The following TMEM131L variants were observed in gnomAD, a reference collection of about 807,000 sequenced individuals.
TMEM131L encodes transmembrane 131 like.
In TMEM131L, 54 loss-of-function variants were observed where a neutral mutation model predicts 192.2. The observed-to-expected ratio is 0.28, with a 90% CI of 0.23 to 0.35. TMEM131L has a LOEUF of 0.35. Among genes scored for constraint, TMEM131L ranks in the 10% least tolerant of loss-of-function variants. The pLI is 1.00. For missense variants in TMEM131L, 1,888 were observed against 1,972.9 expected, an observed-to-expected ratio of 0.96 and a Z score of 0.82; for synonymous variants, 701 against 704.9, an observed-to-expected ratio of 0.99 and a Z score of 0.09.
intron 3 of TMEM131L, among the ~76,000 whole-genome samples, chr4:153,501,494 C>T (rs1484989010): frequency 6.6e-6 from 1 of 152,098 alleles, no homozygotes; most frequent in Non-Finnish European, 1.5e-5. Flanking sequence ...GCCACTGTGC[C>T]CAGCTGAGTT....
At chr4:153,631,140 G>A (rs1734182723) in intron 31 of TMEM131L, among the ~76,000 whole-genome samples, 1 of 152,238 alleles carries the variant, frequency 6.6e-6, no homozygotes, top group Non-Finnish European at 1.5e-5. Context: ...AGTTCTGCAT[G>A]GTGGGCATTG....
At chr4:153,632,988 G>C in intron 32 of TMEM131L, 150 bp downstream of exon 32, 1 of 764,672 alleles carries the variant, frequency 1.3e-6, no homozygotes, top group Non-Finnish European at 2.0e-6. Flanking sequence ...CTGCCTTTTA[G>C]AGTTGCACTG....
intron 3 of TMEM131L, among the ~76,000 whole-genome samples, chr4:153,500,896 CCAGAGACGCCGTTTAATGATCA>C (rs1733558618): frequency 6.6e-6 from 1 of 151,962 alleles, no homozygotes. Flanking sequence ...TCCTCTTTCT[CCAGAGACGCCGTTTAATGATCA>C]GATAGAAATT....
chr4:153,524,977 A>G (rs1339220994), intron 3 of TMEM131L, among the ~76,000 whole-genome samples: 1 of 152,220 alleles, frequency 6.6e-6, no homozygotes, highest in Non-Finnish European at 1.5e-5. Flanking sequence ...CCATGGAGGT[A>G]AAGCAGGGGC....
chr4:153,582,335 C>T (rs575509436), intron 9 of TMEM131L, among the ~76,000 whole-genome samples: 1 of 151,642 alleles, frequency 6.6e-6, no homozygotes, highest in African/African-American at 2.4e-5. Context: ...ACCTCAGCCT[C>T]CTGGGCTCAA....
chr4:153,467,724 T>C (rs539692628), intron 2 of TMEM131L, among the ~76,000 whole-genome samples: 6 of 152,360 alleles, frequency 3.9e-5, no homozygotes, highest in African/African-American at 9.6e-5. Context: ...TCAAGGATTG[T>C]CATCTTGGAT....
At position 153,588,927 on chromosome 4, in the gene TMEM131L, A is replaced by G. The variant is rs767509837; in HGVS notation, c.1590A>G (p.Gln530=). ...PNWNGSLSLD[Q]STWNVDSELA... ...GGAATGGGAGCCTTTCTCTGGATCAATCTACCTGGAATGTGGATTCTGAAC... is the reference window on the plus strand; with the variant it reads ...GGAATGGGAGCCTTTCTCTGGATCAGTCTACCTGGAATGTGGATTCTGAAC... The change falls in exon 16 of 35, where the codon CAA becomes CAG. Residue 530 remains glutamine, a synonymous_variant. Transcript: ENST00000409959. The G allele has an allele frequency of 6.7e-5, 108 of 1,605,792 alleles. No homozygotes were observed. Among genetic ancestry groups the G allele is most frequent in the East Asian group, 5.4e-4 (24 of 44,858 alleles).
chr4:153,610,285 C>A (rs188599300), intron 25 of TMEM131L, among the ~76,000 whole-genome samples: 1 of 152,140 alleles, frequency 6.6e-6, no homozygotes, highest in African/African-American at 2.4e-5. Context: ...AAGTTATTCC[C>A]GGTTATTAAA....
intron 3 of TMEM131L, among the ~76,000 whole-genome samples, chr4:153,534,163 C>A (rs562808010): frequency 2.0e-5 from 3 of 152,136 alleles, no homozygotes; most frequent in Non-Finnish European, 4.4e-5. Flanking sequence ...CAAATGTTAC[C>A]GAGTGAGTGT....
chr4:153,581,650 AC>A (rs1160577315), intron 9 of TMEM131L, 90 bp downstream of exon 9: 1 of 846,984 alleles, frequency 1.2e-6, no homozygotes, highest in Non-Finnish European at 1.6e-6. Context: ...ATCATAGCAA[AC>A]CAAGACAAAT....
intron 3 of TMEM131L, among the ~76,000 whole-genome samples, chr4:153,513,110 C>T (rs1734474431): frequency 6.6e-6 from 1 of 152,088 alleles, no homozygotes; most frequent in African/African-American, 2.4e-5. Context: ...CAGTAGAGCT[C>T]TGGAGGTAGG....
rs1189474874 is a variant in TMEM131L, at chr4:153,466,487, G to C, written c.90G>C (p.Leu30=). ...NLLLGVFQVL[L]PCCRPGGAQG... is the part of the protein sequence containing the mutation. ...TGCTGGGCGTCTTCCAGGTCCTGCT[G>C]CCCTGCTGTCGCCCGGGAGGGGCTC... The change falls in exon 1 of 35, where the codon CTG becomes CTC. Residue 30 remains leucine, a synonymous_variant. Coordinates refer to ENST00000409959, the MANE Select transcript of TMEM131L (RefSeq NM_001131007.2). 7 of 1,415,828 alleles carry C rather than the reference G, an allele frequency of 4.9e-6. No homozygotes were observed. The highest frequency in any genetic ancestry group is 1.5e-5 in the African/African-American group (1 of 68,104). The allele number at this position is 1,415,828 out of a possible 1,614,324, so 87.7% of individuals were successfully genotyped here. A position where few individuals can be genotyped will look rare whatever the true frequency, so the allele number is the denominator to read the frequency against.
rs1259567285 is a variant in TMEM131L at position 153,583,610 on chromosome 4, A to C, written c.998A>C (p.Glu333Ala). 6.2e-7 allele frequency: 1 copy of C among 1,612,378 alleles called. No individual in the cohort carries two copies. Among genetic ancestry groups the C allele is most frequent in the Non-Finnish European group, 8.5e-7 (1 of 1,179,472 alleles). Residue 333 changes from glutamate (E) to alanine (A), a missense_variant, in exon 11 of 35, where the codon GAA (glutamate) becomes GCA (alanine). Glu to Ala is a moderately radical substitution (Grantham distance 107). Transcript: ENST00000409959. The part of the protein sequence containing the change: ...SQRDALSLQF[E>A]PVLLPTSTTN... ...AGAGATGCTCTGTCTCTGCAGTTTG[A>C]ACCAGTACTACTACCTACTTCTACA...
intron 7 of TMEM131L, among the ~76,000 whole-genome samples, chr4:153,571,751 G>A (rs1729601005): frequency 6.6e-6 from 1 of 152,066 alleles, no homozygotes; most frequent in African/African-American, 2.4e-5. Flanking sequence ...TGTGGAGACA[G>A]GGTTTCACCA....
intron 3 of TMEM131L, among the ~76,000 whole-genome samples, chr4:153,518,117 T>C (rs1486029257): frequency 6.6e-6 from 1 of 151,780 alleles, no homozygotes; most frequent in African/African-American, 2.4e-5. Context: ...ACAATGGGAG[T>C]GAACATGCCG....
chr4:153,582,433 G>GTTTTTTTTTTT (rs1038256479), intron 9 of TMEM131L, among the ~76,000 whole-genome samples: 6 of 40,336 alleles, frequency 1.5e-4, no homozygotes, highest in Non-Finnish European at 2.1e-4. Context: ...TTTTTTTGTT[G>GTTTTTTTTTTT]TTTTTTTTTT....
At chr4:153,493,127 A>AT (rs1732902663) in intron 3 of TMEM131L, among the ~76,000 whole-genome samples, 1 of 151,938 alleles carries the variant, frequency 6.6e-6, no homozygotes, top group African/African-American at 2.4e-5. Flanking sequence ...CAGGTGGGTC[A>AT]CAAGGTCAGG....
At chr4:153,576,533 C>T (rs542599701) in intron 7 of TMEM131L, among the ~76,000 whole-genome samples, 10 of 152,134 alleles carry the variant, frequency 6.6e-5, no homozygotes, top group East Asian at 1.9e-4. Flanking sequence ...AATTACTCTG[C>T]GAAATAGGGT....
intron 26 of TMEM131L, among the ~76,000 whole-genome samples, chr4:153,613,993 A>G (rs1456973568): frequency 6.6e-6 from 1 of 152,234 alleles, no homozygotes; most frequent in African/African-American, 2.4e-5. Context: ...ACCAAGATTC[A>G]TAGTAGAGGG....
Sources: allele counts gnomAD v4.1 joint callset (sites outside exome capture counted in the v4.1 genomes callset), GRCh38; gene constraint gnomAD v4.1.1; transcripts MANE v1.5; gene names NCBI Gene and HGNC (gene_info 2026-07-23, HGNC 2026-07-21).